Variants in CTBP2 observed in about 807,000 individuals in gnomAD.
The protein encoded by CTBP2 is C-terminal binding protein 2, also known as C-terminal-binding protein 2.
CTBP2 carries 30 observed loss-of-function variants against 80.3 expected under a neutral mutation model. The observed-to-expected ratio is 0.37, with a 90% CI of 0.28 to 0.51. The LOEUF (loss-of-function observed/expected upper bound fraction) is 0.51, where lower values mean the gene tolerates loss of function less well. Among genes scored for constraint, CTBP2 ranks in the 20% least tolerant of loss-of-function variants. The pLI is 0.93. For missense variants in CTBP2, 1,212 were observed against 1,375.3 expected (o/e 0.88, Z 1.88); for synonymous variants, 594 against 587.4 (o/e 1.01, Z -0.16).
chr10:125,118,728 A>C, intron 1 of CTBP2, among the ~76,000 whole-genome samples: 1 of 32,848 alleles, frequency 3.0e-5, no homozygotes. Context: ...GGGGGGTGGG[A>C]GGGGGGGATG....
Position 125,026,183 on chromosome 10 carries a change from G to T in CTBP2, c.1577C>A (p.Pro526Gln), listed in dbSNP as rs753297312. The change falls in exon 1 of 9, where the codon CCG becomes CAG. Residue 526 changes from proline to glutamine, a missense_variant. Pro to Gln is a moderately conservative substitution (Grantham distance 76, BLOSUM62 -1). Transcript: ENST00000309035. ...AGGCGTGTGGAGGCTCTGGCTGGCC[G>T]GCGGCAGGGTGGATGGCCCCAGGGG... The T allele has an allele frequency of 8.1e-6, 13 of 1,611,824 alleles. No individual in the cohort carries two copies. The East Asian group carries it at 2.9e-4, about 36-fold the overall frequency.
chr10:124,992,006 C>G (rs1008813714), intron 8 of CTBP2, among the ~76,000 whole-genome samples: 13 of 151,888 alleles, frequency 8.6e-5, no homozygotes, highest in Non-Finnish European at 1.3e-4. Flanking sequence ...CCAAACATGG[C>G]TCCAGTTTCT....
intron 1 of CTBP2, among the ~76,000 whole-genome samples, chr10:125,132,269 G>A (rs1214637953): frequency 6.6e-6 from 1 of 151,812 alleles, no homozygotes; most frequent in Non-Finnish European, 1.5e-5. Flanking sequence ...CCTTAGACCA[G>A]CATCATTTTA....
chr10:125,027,941 C>G lies in CTBP2; in HGVS notation c.-182G>C. 3 of 1,413,864 alleles carry G rather than the reference C, an allele frequency of 2.1e-6. No homozygotes were observed. The highest frequency in any genetic ancestry group is 2.8e-6 in the Non-Finnish European group (3 of 1,087,696). The allele number at this position is 1,413,864 out of a possible 1,614,324, so 87.6% of individuals were successfully genotyped here. A position where few individuals can be genotyped will look rare whatever the true frequency, so the allele number is the denominator to read the frequency against. On this transcript the variant is annotated 5_prime_UTR_variant, in exon 1 of 9. Coordinates refer to ENST00000309035, the MANE Select transcript of CTBP2 (RefSeq NM_022802.3). ...ATTAATCCTCCGAAACCTTAGCAGA[C>G]AAAACATAAGACTCACGGTAACTTT...
exon 2 of CTBP2, chr10:125,111,066 G>A (rs1257239605): frequency 6.6e-6 from 1 of 152,536 alleles, no homozygotes; most frequent in Non-Finnish European, 1.5e-5. Context: ...ACCTTCATTG[G>A]TTCAAAACCA....
intron 2 of CTBP2, among the ~76,000 whole-genome samples, chr10:125,072,291 C>T (rs953269846): frequency 1.3e-5 from 2 of 151,630 alleles, no homozygotes; most frequent in Non-Finnish European, 1.5e-5. Flanking sequence ...AAGGAATCCA[C>T]GTACAGCTCC....
At chr10:125,129,356 G>A (rs889161721) in intron 1 of CTBP2, among the ~76,000 whole-genome samples, 2 of 152,112 alleles carry the variant, frequency 1.3e-5, no homozygotes, top group Non-Finnish European at 2.9e-5. Flanking sequence ...CACACTTAAG[G>A]TCATGCATTT....
intron 2 of CTBP2, among the ~76,000 whole-genome samples, chr10:125,049,089 A>G (rs1962052871): frequency 6.7e-6 from 1 of 149,032 alleles, no homozygotes; most frequent in South Asian, 2.2e-4. Context: ...ACACACACAC[A>G]CACGTCCACC....
chr10:125,128,106 T>TG (rs1283986482), intron 1 of CTBP2, among the ~76,000 whole-genome samples: 1 of 152,176 alleles, frequency 6.6e-6, no homozygotes, highest in Non-Finnish European at 1.5e-5. Context: ...TGCCGGGTTC[T>TG]GGGGTGGCCC....
At chr10:125,014,322 C>T (rs566906548) in intron 1 of CTBP2, among the ~76,000 whole-genome samples, 12 of 152,320 alleles carry the variant, frequency 7.9e-5, no homozygotes, top group Middle Eastern at 3.4e-3. Flanking sequence ...CGTGGTGCCA[C>T]GTGCCTGTAG....
intron 2 of CTBP2, among the ~76,000 whole-genome samples, chr10:125,099,700 CA>C (rs1470062179): frequency 3.3e-5 from 5 of 152,210 alleles, no homozygotes; most frequent in Non-Finnish European, 7.3e-5. Context: ...GCCAAGCTAC[CA>C]GGGGAGGTGG....
At chr10:125,012,782 G>C (rs1317996564) in intron 1 of CTBP2, among the ~76,000 whole-genome samples, 1 of 152,196 alleles carries the variant, frequency 6.6e-6, no homozygotes. Context: ...GTTTCACCAA[G>C]TTGGCCAAGC....
At chr10:125,044,937 T>C (rs953427751) in intron 2 of CTBP2, among the ~76,000 whole-genome samples, 3 of 152,228 alleles carry the variant, frequency 2.0e-5, no homozygotes, top group Non-Finnish European at 4.4e-5. Context: ...TGAAGCTTTT[T>C]GAGAAAATCA....
intron 1 of CTBP2, among the ~76,000 whole-genome samples, chr10:125,018,419 A>G (rs181525762): frequency 2.6e-5 from 4 of 152,172 alleles, no homozygotes; most frequent in African/African-American, 9.6e-5. Context: ...CTTCTTGGGA[A>G]GCAGAGGTTG....
chr10:125,073,095 A>G (rs1302176640), intron 2 of CTBP2, among the ~76,000 whole-genome samples: 1 of 152,242 alleles, frequency 6.6e-6, no homozygotes, highest in Non-Finnish European at 1.5e-5. Flanking sequence ...AAGTCTTCAG[A>G]TGTGGCCCTG....
chr10:125,131,112 G>T (rs554548318), intron 1 of CTBP2, among the ~76,000 whole-genome samples: 2 of 152,324 alleles, frequency 1.3e-5, no homozygotes, highest in East Asian at 1.9e-4. Context: ...TGGGGAGGAG[G>T]AGTCTTCACC....
At chr10:124,989,893 C>G (rs1400187222) in intron 8 of CTBP2, among the ~76,000 whole-genome samples, 195 bp from the exon 11 acceptor site, 1 of 152,088 alleles carries the variant, frequency 6.6e-6, no homozygotes, top group African/African-American at 2.4e-5. Context: ...TGAGCCACCA[C>G]GCCTAGCTAG....
intron 2 of CTBP2, among the ~76,000 whole-genome samples, chr10:125,051,925 G>A (rs1962867253): frequency 6.6e-6 from 1 of 152,170 alleles, no homozygotes; most frequent in Admixed American, 6.5e-5. Context: ...ACGTGAAGAT[G>A]GCATCTAAAA....
rs1258802185 is a variant in CTBP2, at chr10:125,049,422, G to GC, written c.-101-10268dup. Among the ~76,000 whole-genome samples the GC allele has an allele frequency of 2.0e-4, 31 of 152,232 alleles. No individual in the cohort carries two copies. The South Asian group carries it at 3.9e-3, about 19-fold the overall frequency. On this transcript the variant is annotated intron_variant, in intron 2 of 10. Coordinates refer to the CTBP2 transcript ENST00000337195. ...CCCACACACGTGCGGATCCTGGGGA[G>GC]CCCCCACCTGAGCTCCGGTGCCACC...
Sources: allele counts gnomAD v4.1 joint callset (sites outside exome capture counted in the v4.1 genomes callset), GRCh38; gene constraint gnomAD v4.1.1; transcripts MANE v1.5; gene names NCBI Gene and HGNC (gene_info 2026-07-23, HGNC 2026-07-21).